Variants in DLC1 observed in about 807,000 individuals in gnomAD.
The protein encoded by DLC1 is DLC1 Rho GTPase activating protein, also known as rho GTPase-activating protein 7.
In DLC1, 54 loss-of-function variants were observed where a neutral mutation model predicts 140.3. The observed-to-expected ratio is 0.38, with a 90% CI of 0.31 to 0.48. DLC1 has a LOEUF of 0.48. Ranked by LOEUF, DLC1 falls within the 20% of genes least tolerant of loss-of-function variation. The probability of loss-of-function intolerance (pLI) is 0.96; values close to 1 mark genes in which losing one functional copy is unlikely to be tolerated. For synonymous variants in DLC1, 986 were observed against 728.1 expected, an observed-to-expected ratio of 1.35 and a Z score of -5.70; for missense variants, 2,536 against 1,907.0, an observed-to-expected ratio of 1.33 and a Z score of -6.14.
At position 13,460,487 on chromosome 8, in the gene DLC1, C is replaced by T. The variant is rs538293188; in HGVS notation, c.1023+38562G>A. ...GGCTTTGCAAAGGCAAATAAAAATC[C>T]ATCTCCATCCTGGAATATCTCCTAG... On this transcript the variant is annotated intron_variant, in intron 2 of 17. Coordinates refer to ENST00000276297, the MANE Select transcript of DLC1 (RefSeq NM_182643.3). Among the ~76,000 whole-genome samples the T allele has an allele frequency of 9.9e-5, 15 of 152,274 alleles. No individual in the cohort carries two copies. The East Asian group carries it at 2.9e-3, about 30-fold the overall frequency.
chr8:13,456,877 C>G (rs989796558), intron 2 of DLC1, among the ~76,000 whole-genome samples: 3 of 152,158 alleles, frequency 2.0e-5, no homozygotes, highest in African/African-American at 7.2e-5. Context: ...CTGACAAAGA[C>G]TGGTGCAGCT....
At chr8:13,314,682 C>T (rs1266416275) in intron 4 of DLC1, among the ~76,000 whole-genome samples, 1 of 152,192 alleles carries the variant, frequency 6.6e-6, no homozygotes, top group Non-Finnish European at 1.5e-5. Flanking sequence ...TAGATCCAGG[C>T]TTCTGGTAGA....
chr8:13,490,217 C>G (rs143522456), intron 2 of DLC1, among the ~76,000 whole-genome samples: 1 of 151,966 alleles, frequency 6.6e-6, no homozygotes. Flanking sequence ...AGCTGCAAAC[C>G]CTTTTGAAGT....
At chr8:13,510,564 T>G (rs1802314120) in intron 1 of DLC1, among the ~76,000 whole-genome samples, 2 of 152,196 alleles carry the variant, frequency 1.3e-5, no homozygotes, top group Non-Finnish European at 2.9e-5. Flanking sequence ...TCCCATACTT[T>G]ACTAATAAAA....
intron 5 of DLC1, among the ~76,000 whole-genome samples, chr8:13,188,827 G>GTATATATATATATATATATATATATGTA (rs1563149780): frequency 1.0e-3 from 30 of 28,634 alleles, no homozygotes; most frequent in East Asian, 7.1e-3. Context: ...ATATATATAT[G>GTATATATATATATATATATATATATGTA]TATATATATA....
chr8:13,089,241 G>C (rs931373597), intron 15 of DLC1, among the ~76,000 whole-genome samples: 2 of 147,446 alleles, frequency 1.4e-5, no homozygotes, highest in Non-Finnish European at 3.0e-5. Context: ...TGGGTGATGA[G>C]AATGAAACTC....
intron 2 of DLC1, among the ~76,000 whole-genome samples, chr8:13,478,401 T>G (rs954093865): frequency 1.3e-5 from 2 of 152,192 alleles, no homozygotes; most frequent in Non-Finnish European, 2.9e-5. Flanking sequence ...CTCTGGCATT[T>G]GAGATTACAA....
At chr8:13,393,477 C>G (rs759819336) in intron 4 of DLC1, 76 bp downstream of exon 4, 3 of 1,441,996 alleles carry the variant, frequency 2.1e-6, no homozygotes, top group Admixed American at 2.2e-5. Flanking sequence ...TCTTCTATAT[C>G]GAATGAATAT....
At chr8:13,405,929 C>CTTTTCT (rs1218298822) in intron 2 of DLC1, among the ~76,000 whole-genome samples, 2 of 78,734 alleles carry the variant, frequency 2.5e-5, no homozygotes, top group African/African-American at 1.0e-4. Flanking sequence ...TTCTTTCTTT[C>CTTTTCT]TTTCTTTCTT....
chr8:13,173,514 G>C (rs759641317), intron 5 of DLC1, among the ~76,000 whole-genome samples: 1 of 151,984 alleles, frequency 6.6e-6, no homozygotes, highest in East Asian at 1.9e-4. Context: ...TGGGATTACA[G>C]GCATGCACTG....
Position 13,178,639 on chromosome 8 carries a change from G to C in DLC1, c.1349-62982C>G, listed in dbSNP as rs1395369803. On this transcript the variant is annotated intron_variant, in intron 5 of 17. Transcript: ENST00000276297. Reference sequence around the variant, plus strand: ...TATACATCCAAAGACACCATTAAGAGAGTGGAAGAAGGTTTTTTTTTTTGC... The same window carrying C: ...TATACATCCAAAGACACCATTAAGACAGTGGAAGAAGGTTTTTTTTTTTGC... Among the ~76,000 whole-genome samples the C allele has an allele frequency of 1.8e-5, 2 of 113,324 alleles. 1 individual carries two copies. The highest frequency in any genetic ancestry group is 7.9e-5 in the African/African-American group (2 of 25,304). The allele number at this position is 113,324 out of a possible 152,430, so 74.3% of individuals were successfully genotyped here.
chr8:13,257,909 G>A (rs1368052790), intron 5 of DLC1, among the ~76,000 whole-genome samples: 2 of 152,138 alleles, frequency 1.3e-5, no homozygotes, highest in African/African-American at 4.8e-5. Context: ...CAATGAAAAA[G>A]CTGTTTTCTA....
At chr8:13,464,935 C>G (rs1465379940) in intron 2 of DLC1, among the ~76,000 whole-genome samples, 2 of 151,954 alleles carry the variant, frequency 1.3e-5, no homozygotes, top group African/African-American at 4.8e-5. Context: ...CAGGGACTCA[C>G]TATGTTGCTC....
chr8:13,150,259 T>C (rs954030221), intron 5 of DLC1, among the ~76,000 whole-genome samples: 1 of 152,220 alleles, frequency 6.6e-6, no homozygotes, highest in Non-Finnish European at 1.5e-5. Context: ...AAAAGTTTAA[T>C]GAGTGTTTTC....
chr8:13,445,814 G>C (rs1265232528), intron 2 of DLC1, among the ~76,000 whole-genome samples: 1 of 152,068 alleles, frequency 6.6e-6, no homozygotes, highest in Non-Finnish European at 1.5e-5. Flanking sequence ...TGCATACTTA[G>C]CACCTGAAAT....
At chr8:13,135,583 C>T (rs1307060128) in intron 5 of DLC1, among the ~76,000 whole-genome samples, 1 of 151,776 alleles carries the variant, frequency 6.6e-6, no homozygotes, top group Non-Finnish European at 1.5e-5. Context: ...AATAAGAGTG[C>T]ACCTTCGAAA....
chr8:13,253,624 A>G (rs1285855846), intron 5 of DLC1, among the ~76,000 whole-genome samples: 1 of 152,198 alleles, frequency 6.6e-6, no homozygotes, highest in African/African-American at 2.4e-5. Flanking sequence ...TTAGTAAATC[A>G]TCTCACCTGT....
intron 2 of DLC1, among the ~76,000 whole-genome samples, chr8:13,423,252 G>T (rs1205724706): frequency 6.6e-6 from 1 of 152,070 alleles, no homozygotes; most frequent in South Asian, 2.1e-4. Context: ...ATGCATTTTT[G>T]TAAAATTATA....
intron 6 of DLC1, among the ~76,000 whole-genome samples, chr8:13,112,245 C>T (rs2203838): frequency 0.72 from 108,905 of 152,158 alleles, 40,932 homozygotes; most frequent in East Asian, 0.9. Flanking sequence ...GTTTTGGAGA[C>T]GCAGGTAATT....
Sources: allele counts gnomAD v4.1 joint callset (sites outside exome capture counted in the v4.1 genomes callset), GRCh38; gene constraint gnomAD v4.1.1; transcripts MANE v1.5; gene names NCBI Gene and HGNC (gene_info 2026-07-23, HGNC 2026-07-21).